Variants in SH3D19 observed in about 807,000 individuals in gnomAD.
SH3D19 encodes SH3 domain-containing protein 19.
In SH3D19, 58 loss-of-function variants were observed where a neutral mutation model predicts 112.1. The observed-to-expected ratio is 0.52, with a 90% confidence interval of 0.42 to 0.64. SH3D19 has a LOEUF of 0.64. SH3D19 is among the 30% of genes least tolerant of loss of function. SH3D19 has a pLI of 0.00. For missense variants in SH3D19, 1,090 were observed against 1,263.4 expected, an observed-to-expected ratio of 0.86 and a Z score of 2.08; for synonymous variants, 391 against 448.5, an observed-to-expected ratio of 0.87 and a Z score of 1.62.
chr4:151,155,876 GAGA>G (rs979601814), intron 9 of SH3D19, among the ~76,000 whole-genome samples: 10 of 152,162 alleles, frequency 6.6e-5, no homozygotes, highest in African/African-American at 2.2e-4. Context: ...GCGACAGAGC[GAGA>G]CTCTGTCTCA....
At chr4:151,218,707 T>G (rs1767541740) in intron 2 of SH3D19, among the ~76,000 whole-genome samples, 1 of 152,048 alleles carries the variant, frequency 6.6e-6, no homozygotes, top group Non-Finnish European at 1.5e-5. Context: ...TGATAATCAA[T>G]ACCCTAATTT....
intron 1 of SH3D19, among the ~76,000 whole-genome samples, chr4:151,277,758 T>C (rs1218297060): frequency 6.6e-6 from 1 of 152,088 alleles, no homozygotes; most frequent in Non-Finnish European, 1.5e-5. Context: ...AAGGGTATAC[T>C]GGCCAGGCAC....
At chr4:151,224,009 A>T (rs1381275840) in intron 2 of SH3D19, among the ~76,000 whole-genome samples, 1 of 152,154 alleles carries the variant, frequency 6.6e-6, no homozygotes, top group African/African-American at 2.4e-5. Context: ...ATTGAACAGA[A>T]TATCAAAAGT....
chr4:151,176,754 G>C (rs758722815), intron 5 of SH3D19, 63 bp downstream of exon 5: 198 of 1,228,766 alleles, frequency 1.6e-4, no homozygotes, highest in Non-Finnish European at 2.0e-4. Flanking sequence ...CAGTCTCACT[G>C]TTCTTATCTT....
In SH3D19 at chr4:151,307,753, G is replaced by A. The variant is rs76603305; in HGVS notation, c.112+17488C>T. ...AGGACTAACAAAGAAACAGGAAAAC[G>A]TGAAGTTTTGCATATTAGCATGCGT... On this transcript the variant is annotated intron_variant, in intron 1 of 19. Coordinates refer to ENST00000604030, the MANE Select transcript of SH3D19 (RefSeq NM_001378122.1). 4.3e-3 allele frequency among the ~76,000 whole-genome samples: 656 copies of A among 152,350 alleles called. 4 individuals are homozygous for A. Among genetic ancestry groups the A allele is most frequent in the African/African-American group, 0.014 (563 of 41,572 alleles).
chr4:151,297,055 G>C (rs1327463439), intron 1 of SH3D19, among the ~76,000 whole-genome samples: 1 of 152,166 alleles, frequency 6.6e-6, no homozygotes, highest in Non-Finnish European at 1.5e-5. Flanking sequence ...CCACACACTA[G>C]AAATCAGCTC....
In SH3D19 at chr4:151,243,725, A is replaced by C. The variant is rs55847523; in HGVS notation, c.113-17639T>G. Among the ~76,000 whole-genome samples, 354 of 152,354 alleles carry C rather than the reference A, an allele frequency of 2.3e-3. 1 individual carries two copies. The highest frequency in any genetic ancestry group is 3.7e-3 in the Non-Finnish European group (249 of 68,040). On this transcript the variant is annotated intron_variant, in intron 1 of 19. Coordinates refer to ENST00000604030, the MANE Select transcript of SH3D19 (RefSeq NM_001378122.1). Reference sequence around the variant, plus strand: ...GTCTCCAGGGCTATACCGTAAGTCAAAGCATTACAACTGTTGGGAGAAAAG... The same window carrying C: ...GTCTCCAGGGCTATACCGTAAGTCACAGCATTACAACTGTTGGGAGAAAAG...
At chr4:151,236,461 G>A (rs1770054678) in intron 1 of SH3D19, among the ~76,000 whole-genome samples, 2 of 151,940 alleles carry the variant, frequency 1.3e-5, no homozygotes, top group African/African-American at 2.4e-5. Context: ...TCTGGGTCGG[G>A]TGGGGACTTG....
chr4:151,187,027 C>G (rs1761901523), intron 3 of SH3D19, among the ~76,000 whole-genome samples: 1 of 151,328 alleles, frequency 6.6e-6, no homozygotes, highest in African/African-American at 2.4e-5. Context: ...ATCTCCTGAC[C>G]TCGTGATCCG....
In SH3D19 at chr4:151,174,678, A is replaced by C. The variant is rs1307677954; in HGVS notation, c.1526T>G (p.Met509Arg). ...GCTGATTTTTCACTCACCTAGAACC[A>C]TCTCTGAACCAACAGATTCTTCAGC... ...NLAEESVGSE[M>R]VLDPFQLPAK... Residue 509 changes from methionine to arginine, a missense_variant, in exon 7 of 20, where the codon ATG (methionine) becomes AGG (arginine). By Grantham distance (91) the Met-to-Arg change is moderately conservative (BLOSUM62 -1). Transcript: ENST00000604030. 6.6e-7 allele frequency: 1 copy of C among 1,511,234 alleles called. No homozygotes were observed. Among genetic ancestry groups the C allele is most frequent in the African/African-American group, 1.4e-5 (1 of 71,598 alleles). The allele number at this position is 1,511,234 out of a possible 1,614,324, so 93.6% of individuals were successfully genotyped here.
intron 14 of SH3D19, among the ~76,000 whole-genome samples, chr4:151,135,961 C>T (rs538521628): frequency 6.4e-4 from 97 of 151,540 alleles, no homozygotes; most frequent in Non-Finnish European, 1.1e-3. Flanking sequence ...TAGTCCGGCC[C>T]GGGTGACAAC....
chr4:151,249,573 C>T (rs1366953865), intron 1 of SH3D19, among the ~76,000 whole-genome samples: 2 of 152,024 alleles, frequency 1.3e-5, no homozygotes, highest in Non-Finnish European at 2.9e-5. Context: ...ACTTAATCAC[C>T]ACAAACTCAG....
chr4:151,298,400 T>C (rs1327648746), intron 1 of SH3D19, among the ~76,000 whole-genome samples: 1 of 151,932 alleles, frequency 6.6e-6, no homozygotes, highest in African/African-American at 2.4e-5. Context: ...ATGGTCTCAA[T>C]CTCCTGATCT....
rs534054631 is a variant in SH3D19 at position 151,235,664 on chromosome 4, T to C, written c.113-9578A>G. The stretch of plus-strand genomic sequence containing the variant: ...AGCTGGGTGTGGTGGTGCACATCTG[T>C]AATCTCAGCTACCTGGGAGGCTGAG... On this transcript the variant is annotated intron_variant, in intron 1 of 19. Transcript: ENST00000604030. 3.9e-5 allele frequency among the ~76,000 whole-genome samples: 6 copies of C among 152,218 alleles called. No individual in the cohort carries two copies. In the East Asian group the frequency reaches 1.2e-3, roughly 29 times the overall value.
intron 1 of SH3D19, among the ~76,000 whole-genome samples, chr4:151,267,172 AT>A (rs150741352): frequency 0.34 from 48,267 of 143,158 alleles, 9,512 homozygotes; most frequent in Non-Finnish European, 0.45. Context: ...AAAAAAAAAA[AT>A]AAATAAAATA....
At chr4:151,127,776 CA>C (rs1283713987) in intron 18 of SH3D19, 61 bp from the exon 19 acceptor site, 21 of 997,912 alleles carry the variant, frequency 2.1e-5, no homozygotes, top group Non-Finnish European at 3.0e-5. Flanking sequence ...ACAAATCTAA[CA>C]TTTTTTAAAA....
intron 1 of SH3D19, among the ~76,000 whole-genome samples, chr4:151,307,214 G>T (rs1199554471): frequency 1.3e-5 from 2 of 151,662 alleles, no homozygotes; most frequent in African/African-American, 4.8e-5. Flanking sequence ...AGTAGAGACG[G>T]GGTTTCACCG....
intron 14 of SH3D19, among the ~76,000 whole-genome samples, chr4:151,135,542 TTTAGCCCCACAAGTAGCTGGGAC>T (rs900353543): frequency 2.9e-4 from 44 of 150,314 alleles, no homozygotes; most frequent in African/African-American, 1.0e-3. Flanking sequence ...ATCCTCTTGC[TTTAGCCCCACAAGTAGCTGGGAC>T]TACCGGTGTG....
chr4:151,152,982 C>T (rs557910642), intron 9 of SH3D19, among the ~76,000 whole-genome samples: 38 of 151,262 alleles, frequency 2.5e-4, no homozygotes, highest in African/African-American at 7.0e-4. Context: ...ATTACAGGCA[C>T]GTGCCACCAC....
Sources: allele counts gnomAD v4.1 joint callset (sites outside exome capture counted in the v4.1 genomes callset), GRCh38; gene constraint gnomAD v4.1.1; transcripts MANE v1.5; gene names NCBI Gene and HGNC (gene_info 2026-07-23, HGNC 2026-07-21).